Variants in MBNL1 observed in about 807,000 individuals in gnomAD.
MBNL1 encodes muscleblind-like protein 1.
A neutral mutation model predicts 42.2 loss-of-function variants in MBNL1; 8 were observed. The observed-to-expected ratio is 0.19, with a 90% CI of 0.11 to 0.34. MBNL1 has a LOEUF of 0.34. MBNL1 is among the 10% of genes least tolerant of loss of function. The pLI is 1.00. For missense variants in MBNL1, 309 were observed against 495.3 expected, an observed-to-expected ratio of 0.62 and a Z score of 3.57; for synonymous variants, 169 against 173.9, an observed-to-expected ratio of 0.97 and a Z score of 0.22.
In MBNL1 at chr3:152,449,185, C is replaced by G. The variant is rs1401246562; in HGVS notation, c.961+1412C>G. On this transcript the variant is annotated intron_variant, in intron 6 of 9. Coordinates refer to ENST00000324210, the MANE Select transcript of MBNL1 (RefSeq NM_021038.5). ...CAAAGTTTCAAGGGATTATATGTAACTATCATAATCTCTTTGAAGAAATTA... is the reference window on the plus strand; with the variant it reads ...CAAAGTTTCAAGGGATTATATGTAAGTATCATAATCTCTTTGAAGAAATTA... The G allele has an allele frequency of 2.0e-5, 3 of 152,158 alleles. No homozygotes were observed. In the East Asian group the frequency reaches 5.8e-4, roughly 29 times the overall value. 9.4% of individuals were successfully genotyped at this position (152,158 alleles called of 1,614,324 possible).
intron 2 of MBNL1, among the ~76,000 whole-genome samples, chr3:152,399,043 C>T (rs1245123582): frequency 2.6e-5 from 4 of 152,176 alleles, no homozygotes; most frequent in Admixed American, 6.5e-5. Flanking sequence ...TTGTGACACT[C>T]TTTGCCCTAT....
rs75197301 is a variant in MBNL1 at position 152,377,972 on chromosome 3, G to A, written c.175-36969G>A. 6.0e-3 allele frequency among the ~76,000 whole-genome samples: 910 copies of A among 152,268 alleles called. 3 individuals carry two copies. Among genetic ancestry groups the A allele is most frequent in the Non-Finnish European group, 0.01 (694 of 68,024 alleles). ...AAACGATATTATTTGAGGACCTGCT[G>A]TATATTGTTTTATGTAAAGTAACAG... On this transcript the variant is annotated intron_variant, in intron 2 of 9. Coordinates refer to ENST00000324210, the MANE Select transcript of MBNL1 (RefSeq NM_021038.5).
intron 1 of MBNL1, among the ~76,000 whole-genome samples, chr3:152,278,463 T>A (rs917235022): frequency 1.3e-5 from 2 of 152,044 alleles, no homozygotes; most frequent in Non-Finnish European, 2.9e-5. Context: ...AAATATATAT[T>A]TTTTCCTTCA....
chr3:152,280,834 C>T (rs1180523974), intron 1 of MBNL1, among the ~76,000 whole-genome samples: 1 of 152,074 alleles, frequency 6.6e-6, no homozygotes, highest in African/African-American at 2.4e-5. Flanking sequence ...AAGATTTAAT[C>T]TGCATTCTAG....
At chr3:152,381,404 G>A (rs961987311) in intron 2 of MBNL1, among the ~76,000 whole-genome samples, 5 of 151,778 alleles carry the variant, frequency 3.3e-5, no homozygotes, top group Admixed American at 6.6e-5. Flanking sequence ...AAAAACAAAC[G>A]CTGTCCATAA....
At position 152,464,708 on chromosome 3, in the gene MBNL1, CTCAAAGTTTACGTAA is replaced by C. The variant is rs1221165373; in HGVS notation, c.*2344_*2358del. The C allele has an allele frequency of 1.3e-5, 2 of 152,524 alleles. No homozygotes were observed. Among genetic ancestry groups the C allele is most frequent in the Admixed American group, 6.6e-5 (1 of 15,264 alleles). The allele number at this position is 152,524 out of a possible 1,614,324, so 9.4% of individuals were successfully genotyped here. On this transcript the variant is annotated 3_prime_UTR_variant, in exon 10 of 10. Transcript: ENST00000324210. ...GGACTTTTTGTTGATAATCCAAATACTCAAAGTTTACGTAATGAAAATTATAGCGTGTGTGCAAAC... is the reference window on the plus strand; with the variant it reads ...GGACTTTTTGTTGATAATCCAAATACTGAAAATTATAGCGTGTGTGCAAAC...
At chr3:152,396,260 G>A (rs908952463) in intron 2 of MBNL1, 8 of 234,734 alleles carry the variant, frequency 3.4e-5, no homozygotes, top group Non-Finnish European at 5.9e-5. Flanking sequence ...ATATTACAAT[G>A]TAATAATAAT....
intron 4 of MBNL1, among the ~76,000 whole-genome samples, chr3:152,433,360 A>G (rs1159849128): frequency 6.6e-6 from 1 of 152,224 alleles, no homozygotes; most frequent in African/African-American, 2.4e-5. Context: ...ATTAGTGTCT[A>G]TAAAACATTT....
At chr3:152,316,312 A>T (rs931757995) in intron 2 of MBNL1, among the ~76,000 whole-genome samples, 11 of 152,204 alleles carry the variant, frequency 7.2e-5, no homozygotes, top group African/African-American at 2.7e-4. Context: ...TTGAAAGTAG[A>T]GAGTGTAAGA....
chr3:152,399,822 T>A (rs2098137204), intron 2 of MBNL1, among the ~76,000 whole-genome samples: 1 of 152,142 alleles, frequency 6.6e-6, no homozygotes, highest in African/African-American at 2.4e-5. Context: ...TAATTTTTGA[T>A]GACTTCTAAT....
intron 4 of MBNL1, among the ~76,000 whole-genome samples, chr3:152,439,732 C>T (rs1423083628): frequency 2.6e-5 from 4 of 151,972 alleles, no homozygotes; most frequent in African/African-American, 9.7e-5. Context: ...ACCTGCAGTC[C>T]CAGCTACTTG....
At chr3:152,376,689 G>T (rs1354375460) in intron 2 of MBNL1, among the ~76,000 whole-genome samples, 2 of 152,128 alleles carry the variant, frequency 1.3e-5, no homozygotes, top group Non-Finnish European at 2.9e-5. Context: ...AATAAGAGCT[G>T]CTGTAAAGAA....
At chr3:152,429,778 G>A (rs574111901) in intron 3 of MBNL1, among the ~76,000 whole-genome samples, 2 of 151,744 alleles carry the variant, frequency 1.3e-5, no homozygotes, top group Admixed American at 6.6e-5. Flanking sequence ...AATAAATGAA[G>A]GAATGGTGTG....
chr3:152,400,938 C>T (rs1318709357), intron 2 of MBNL1, among the ~76,000 whole-genome samples: 1 of 152,206 alleles, frequency 6.6e-6, no homozygotes, highest in East Asian at 1.9e-4. Context: ...TGTAAACCAA[C>T]CTGTGGTCTT....
intron 2 of MBNL1, among the ~76,000 whole-genome samples, chr3:152,245,713 G>A (rs529782903): frequency 6.6e-6 from 1 of 152,184 alleles, no homozygotes; most frequent in African/African-American, 2.4e-5. Flanking sequence ...TTTGTTTTAC[G>A]TATTTTCATG....
At chr3:152,379,402 ATTAAAACTATTTTAGCCTTTCTT>A in intron 2 of MBNL1, among the ~76,000 whole-genome samples, 1 of 152,362 alleles carries the variant, frequency 6.6e-6, no homozygotes, top group East Asian at 1.9e-4. Flanking sequence ...AGGTTTAAAT[ATTAAAACTATTTTAGCCTTTCTT>A]TGGAACTATT....
Position 152,312,607 on chromosome 3 carries a change from G to T in MBNL1, c.174+12240G>T, listed in dbSNP as rs374125522. The stretch of plus-strand genomic sequence containing the variant: ...GTCTAAGTTATCTTTCTTCTTATGG[G>T]AGGAACTTTGTCTTAGGTCAGAATA... On this transcript the variant is annotated intron_variant, in intron 2 of 9. Transcript: ENST00000324210. Among the ~76,000 whole-genome samples the T allele has an allele frequency of 6.6e-5, 10 of 152,238 alleles. No homozygotes were observed. In the East Asian group the frequency reaches 1.3e-3, roughly 21 times the overall value.
At chr3:152,421,966 T>TA (rs535802755) in intron 3 of MBNL1, among the ~76,000 whole-genome samples, 21,979 of 145,810 alleles carry the variant, frequency 0.15, 1,598 homozygotes, top group Middle Eastern at 0.19. Flanking sequence ...TACCGACCAC[T>TA]AAAAAAAAAA....
intron 1 of MBNL1, among the ~76,000 whole-genome samples, chr3:152,297,091 A>G (rs930480290): frequency 6.6e-6 from 1 of 152,124 alleles, no homozygotes; most frequent in Non-Finnish European, 1.5e-5. Context: ...GAGGAAGAAA[A>G]TAGTTACATG....
Sources: allele counts gnomAD v4.1 joint callset (sites outside exome capture counted in the v4.1 genomes callset), GRCh38; gene constraint gnomAD v4.1.1; transcripts MANE v1.5; gene names NCBI Gene and HGNC (gene_info 2026-07-23, HGNC 2026-07-21).